C1orf87: variants seen among roughly 807,000 people sequenced by gnomAD.
The protein encoded by C1orf87 is uncharacterized protein C1orf87.
Under a neutral mutation model 60.5 loss-of-function variants are expected in C1orf87, and 58 were observed. The observed-to-expected ratio is 0.96, with a 90% CI of 0.78 to 1.19. The LOEUF (loss-of-function observed/expected upper bound fraction) is 1.19. C1orf87 is among the 50% of genes most tolerant of loss of function. C1orf87 has a pLI of 0.00. For missense variants in C1orf87, 673 were observed against 638.6 expected (o/e 1.05, Z -0.58); for synonymous variants, 236 against 227.4 (o/e 1.04, Z -0.34).
In C1orf87 at chr1:60,065,925, T is replaced by G. The variant is rs1422259893; in HGVS notation, c.107+6612A>C. ...AAAGCAAATATCACAATAAAGTGAT[T>G]CACATATTTTTTTTGGTTTCATGGT... On this transcript the variant is annotated intron_variant, in intron 2 of 11. Transcript: ENST00000371201. Among the ~76,000 whole-genome samples the G allele has an allele frequency of 3.3e-5, 5 of 152,316 alleles. No homozygotes were observed. In the East Asian group the frequency reaches 9.7e-4, roughly 29 times the overall value.
Position 59,990,738 on chromosome 1 carries a change from G to GC in C1orf87, c.1575dup (p.Arg526AlafsTer48), listed in dbSNP as rs1411210559. ...ATATTTTCTCCCGAACGGAATCTGC[G>GC]CAAGGCCTGGTCGATTTTCTGAGGG... On this transcript the variant is annotated frameshift_variant, in exon 12 of 12. Coordinates refer to ENST00000371201, the MANE Select transcript of C1orf87 (RefSeq NM_152377.3). LOFTEE classifies it high-confidence loss of function. The GC allele has an allele frequency of 6.2e-7, 1 of 1,613,932 alleles. No homozygotes were observed. The highest frequency in any genetic ancestry group is 8.5e-7 in the Non-Finnish European group (1 of 1,179,986).
intron 9 of C1orf87, among the ~76,000 whole-genome samples, chr1:60,009,569 C>T (rs147816308): frequency 6.6e-6 from 1 of 151,834 alleles, no homozygotes; most frequent in East Asian, 1.9e-4. Flanking sequence ...CTTGAAATAC[C>T]TAGTAAAGTT....
At chr1:60,034,060 A>C (rs1645258073) in intron 6 of C1orf87, among the ~76,000 whole-genome samples, 1 of 152,230 alleles carries the variant, frequency 6.6e-6, no homozygotes, top group African/African-American at 2.4e-5. Context: ...GCCACAAGCA[A>C]AGCAAAGCAG....
At chr1:60,060,605 G>A (rs1238846355) in intron 2 of C1orf87, among the ~76,000 whole-genome samples, 1 of 152,010 alleles carries the variant, frequency 6.6e-6, no homozygotes, top group Non-Finnish European at 1.5e-5. Flanking sequence ...TATTTAAATA[G>A]ATAAAAAGAG....
chr1:60,028,302 A>G (rs1645213585), intron 7 of C1orf87, among the ~76,000 whole-genome samples: 2 of 152,318 alleles, frequency 1.3e-5, no homozygotes, highest in South Asian at 4.1e-4. Context: ...GCTTTAGGCT[A>G]AAATGAACAG....
intron 2 of C1orf87, among the ~76,000 whole-genome samples, chr1:60,058,762 C>T (rs1291981964): frequency 6.6e-6 from 1 of 152,130 alleles, no homozygotes; most frequent in Non-Finnish European, 1.5e-5. Context: ...GACTCAGATC[C>T]TATTGGCAGT....
intron 2 of C1orf87, among the ~76,000 whole-genome samples, chr1:60,064,044 A>G (rs1645515392): frequency 1.3e-5 from 2 of 151,884 alleles, no homozygotes; most frequent in Admixed American, 1.3e-4. Context: ...TAGAGCAGGC[A>G]GAAAAATGTG....
rs1263933053 is a variant in C1orf87 at position 59,997,514 on chromosome 1, T to C, written c.1480+95A>G. ...GGGCACATGATTTATATATTAATTGTATCATTTGTTCAAGAGGCAAAAGAA... is the reference window on the plus strand; with the variant it reads ...GGGCACATGATTTATATATTAATTGCATCATTTGTTCAAGAGGCAAAAGAA... On this transcript the variant is annotated intron_variant, in intron 11 of 11. Transcript: ENST00000371201. 8 of 1,071,214 alleles carry C rather than the reference T, an allele frequency of 7.5e-6. No individual in the cohort carries two copies. The Admixed American group carries it at 1.7e-4, about 23-fold the overall frequency. 66.4% of individuals were successfully genotyped at this position (1,071,214 alleles called of 1,614,324 possible). A position where few individuals can be genotyped will look rare whatever the true frequency, so the allele number is the denominator to read the frequency against.
intron 3 of C1orf87, among the ~76,000 whole-genome samples, chr1:60,052,749 G>A (rs1034184826): frequency 3.9e-5 from 6 of 152,220 alleles, no homozygotes; most frequent in African/African-American, 1.4e-4. Flanking sequence ...CTATGTGTGA[G>A]TGATAAGGAT....
chr1:60,015,233 A>G (rs1261544909), intron 8 of C1orf87, among the ~76,000 whole-genome samples: 1 of 152,154 alleles, frequency 6.6e-6, no homozygotes, highest in Admixed American at 6.5e-5. Flanking sequence ...GTTCTTATAA[A>G]GGAGGCCTAA....
chr1:60,055,293 C>G lies in C1orf87; in HGVS notation c.253G>C (p.Glu85Gln), dbSNP rs757774931. The G allele has an allele frequency of 2.5e-5, 41 of 1,614,120 alleles. No homozygotes were observed. The highest frequency in any genetic ancestry group is 3.5e-5 in the Non-Finnish European group (41 of 1,179,992). Reference protein sequence around the residue: ...QTTDNPDDVKEKKHPENNQKS... With the variant: ...QTTDNPDDVKQKKHPENNQKS... Reference sequence around the variant, plus strand: ...TGGTTGTTCTCTGGGTGCTTTTTCTCTTTCACATCATCTGGATTATCAGTG... The same window carrying G: ...TGGTTGTTCTCTGGGTGCTTTTTCTGTTTCACATCATCTGGATTATCAGTG... The change falls in exon 3 of 12, where the codon GAG (glutamate) becomes CAG (glutamine). Residue 85 changes from glutamate (E) to glutamine (Q), a missense_variant. Glu to Gln is a conservative substitution (Grantham distance 29). Coordinates refer to ENST00000371201, the MANE Select transcript of C1orf87 (RefSeq NM_152377.3).
At chr1:60,012,734 T>C (rs1252938651) in intron 8 of C1orf87, among the ~76,000 whole-genome samples, 2 of 152,128 alleles carry the variant, frequency 1.3e-5, no homozygotes, top group African/African-American at 4.8e-5. Context: ...TAAAATGGCA[T>C]GGAGTGAACA....
intron 11 of C1orf87, among the ~76,000 whole-genome samples, chr1:59,994,271 A>G (rs1243213189): frequency 6.8e-6 from 1 of 146,908 alleles, no homozygotes; most frequent in Non-Finnish European, 1.5e-5. Flanking sequence ...TCTTCTGATT[A>G]AAAAAAAAAA....
chr1:60,041,865 T>C (rs1645327445), intron 3 of C1orf87, among the ~76,000 whole-genome samples: 1 of 152,238 alleles, frequency 6.6e-6, no homozygotes, highest in Non-Finnish European at 1.5e-5. Context: ...ACAGCAAGCC[T>C]TTTTTTCTCC....
intron 9 of C1orf87, among the ~76,000 whole-genome samples, chr1:60,004,872 A>G (rs1354955347): frequency 1.4e-5 from 2 of 146,018 alleles, no homozygotes; most frequent in African/African-American, 4.9e-5. Flanking sequence ...TGCCCTCACT[A>G]ATGACTTGAA....
chr1:60,014,540 A>G (rs1449087566), intron 8 of C1orf87, among the ~76,000 whole-genome samples: 1 of 152,088 alleles, frequency 6.6e-6, no homozygotes, highest in African/African-American at 2.4e-5. Context: ...TTATATATTA[A>G]AAAAAACAAA....
Position 59,997,589 on chromosome 1 carries a change from C to A in C1orf87, c.1480+20G>T, listed in dbSNP as rs1644971924. 1 of 1,612,230 alleles carries A rather than the reference C, an allele frequency of 6.2e-7. No homozygotes were observed. Among genetic ancestry groups the A allele is most frequent in the Non-Finnish European group, 8.5e-7 (1 of 1,178,938 alleles). On this transcript the variant is annotated intron_variant, in intron 11 of 11. Coordinates refer to ENST00000371201, the MANE Select transcript of C1orf87 (RefSeq NM_152377.3). ...GACCACAAATAGAAACCTATGCCAGCTTTACAATTCATACTTCACCTGTGT... is the reference window on the plus strand; with the variant it reads ...GACCACAAATAGAAACCTATGCCAGATTTACAATTCATACTTCACCTGTGT...
In C1orf87 at chr1:60,055,021, G is replaced by C. The variant is rs554374599; in HGVS notation, c.342+183C>G. On this transcript the variant is annotated intron_variant, in intron 3 of 11. Transcript: ENST00000371201. The stretch of plus-strand genomic sequence containing the variant: ...ACCAACTCCGTTGGTGGTCAGCAAA[G>C]ATACAATATACAAAATGACCCTGAA... Among the ~76,000 whole-genome samples the C allele has an allele frequency of 4.6e-5, 7 of 152,074 alleles. No individual in the cohort carries two copies. In the East Asian group the frequency reaches 9.7e-4, roughly 21 times the overall value.
chr1:60,029,797 T>G (rs1048762907), intron 7 of C1orf87, among the ~76,000 whole-genome samples: 5 of 151,936 alleles, frequency 3.3e-5, no homozygotes, highest in African/African-American at 1.2e-4. Context: ...TGCGCCACCA[T>G]GCCCGGCTAA....
Sources: allele counts gnomAD v4.1 joint callset (sites outside exome capture counted in the v4.1 genomes callset), GRCh38; gene constraint gnomAD v4.1.1; transcripts MANE v1.5; gene names NCBI Gene and HGNC (gene_info 2026-07-23, HGNC 2026-07-21).